The following SYNE1 variants were observed in gnomAD, a reference collection of about 807,000 sequenced individuals.
SYNE1 encodes spectrin repeat containing nuclear envelope protein 1.
SYNE1 carries 616 observed loss-of-function variants against 1,111.0 expected under a neutral mutation model. The observed-to-expected ratio is 0.55, with a 90% confidence interval of 0.52 to 0.59. The LOEUF is 0.59. SYNE1 is among the 20% of genes least tolerant of loss of function. The pLI is 0.00. For missense variants in SYNE1, 10,006 were observed against 10,417.0 expected, an observed-to-expected ratio of 0.96 and a Z score of 1.72; for synonymous variants, 3,855 against 3,825.8, an observed-to-expected ratio of 1.01 and a Z score of -0.28.
chr6:152,224,471 G>T (rs1028229163), intron 117 of SYNE1, 23 bp downstream of exon 117: 5 of 1,608,956 alleles, frequency 3.1e-6, no homozygotes, highest in African/African-American at 1.3e-5. Context: ...GAACGTTAAG[G>T]ATGTGTTAAA....
chr6:152,165,972 C>A (rs1305037527), intron 130 of SYNE1, among the ~76,000 whole-genome samples: 1 of 152,204 alleles, frequency 6.6e-6, no homozygotes, highest in African/African-American at 2.4e-5. Flanking sequence ...TGGAAGAGGC[C>A]TGAAGAATGG....
At chr6:152,378,363 C>T (rs927013831) in intron 56 of SYNE1, among the ~76,000 whole-genome samples, 1 of 152,170 alleles carries the variant, frequency 6.6e-6, no homozygotes, top group Non-Finnish European at 1.5e-5. Flanking sequence ...CTTCATTCCT[C>T]GTCCTGGTAA....
intron 79 of SYNE1, 30 bp from the exon 80 acceptor site, chr6:152,326,132 TA>T (rs1270783022): frequency 2.5e-6 from 4 of 1,614,080 alleles, no homozygotes; most frequent in Non-Finnish European, 3.4e-6. Context: ...AACTGATAAG[TA>T]GCACGAAATC....
intron 11 of SYNE1, among the ~76,000 whole-genome samples, chr6:152,494,833 T>A (rs1442910665): frequency 6.6e-6 from 1 of 152,144 alleles, no homozygotes; most frequent in Non-Finnish European, 1.5e-5. Context: ...ACCCCATTGC[T>A]CAAGGCAACA....
At chr6:152,150,630 G>C (rs2060246430) in intron 135 of SYNE1, among the ~76,000 whole-genome samples, 1 of 152,186 alleles carries the variant, frequency 6.6e-6, no homozygotes, top group Admixed American at 6.5e-5. Flanking sequence ...TATCTTGGGA[G>C]GAAAATTTCA....
At chr6:152,168,277 C>G (rs2064180450) in intron 130 of SYNE1, 5 of 639,282 alleles carry the variant, frequency 7.8e-6, no homozygotes, top group African/African-American at 1.8e-5. Flanking sequence ...AAAGTTTCCC[C>G]TTGTCTGTGT....
chr6:152,280,387 A>C (rs1173349932), intron 97 of SYNE1, among the ~76,000 whole-genome samples: 2 of 152,192 alleles, frequency 1.3e-5, no homozygotes, highest in Non-Finnish European at 2.9e-5. Context: ...GACAGCCTTG[A>C]ATGTAGCCAA....
intron 3 of SYNE1, among the ~76,000 whole-genome samples, chr6:152,550,187 G>T (rs1000990415): frequency 6.6e-6 from 1 of 152,032 alleles, no homozygotes; most frequent in Non-Finnish European, 1.5e-5. Context: ...GAAATTACAC[G>T]ATTTTTCCAA....
intron 11 of SYNE1, among the ~76,000 whole-genome samples, chr6:152,489,457 C>CTT (rs3076635): frequency 0.061 from 6,821 of 112,228 alleles, 553 homozygotes; most frequent in African/African-American, 0.13. Flanking sequence ...CTTGGTGTGT[C>CTT]TTTTTTTTTT....
At chr6:152,431,507 G>A (rs1038668821) in intron 34 of SYNE1, among the ~76,000 whole-genome samples, 1 of 152,194 alleles carries the variant, frequency 6.6e-6, no homozygotes, top group Admixed American at 6.5e-5. Flanking sequence ...GTGTGCATGT[G>A]CACATGTGTT....
At chr6:152,415,767 G>A (rs555414865) in intron 41 of SYNE1, among the ~76,000 whole-genome samples, 2 of 113,956 alleles carry the variant, frequency 1.8e-5, no homozygotes, top group East Asian at 2.9e-4. Flanking sequence ...CAAATTAGTC[G>A]TTAATCTTAT....
intron 3 of SYNE1, among the ~76,000 whole-genome samples, chr6:152,548,107 A>G (rs2099323248): frequency 6.6e-6 from 1 of 152,220 alleles, no homozygotes; most frequent in Non-Finnish European, 1.5e-5. Context: ...CCAGCTTCTA[A>G]GAATCTTTAG....
chr6:152,516,286 T>A (rs1044888574), intron 6 of SYNE1, among the ~76,000 whole-genome samples: 2 of 152,182 alleles, frequency 1.3e-5, no homozygotes, highest in Non-Finnish European at 2.9e-5. Flanking sequence ...AAAGAGAAAT[T>A]CTTTCATTTT....
At chr6:152,479,534 T>C (rs557155839) in intron 14 of SYNE1, among the ~76,000 whole-genome samples, 29 of 152,322 alleles carry the variant, frequency 1.9e-4, no homozygotes, top group African/African-American at 6.7e-4. Flanking sequence ...TCATCAGCTA[T>C]GTGACCTTGG....
intron 73 of SYNE1, among the ~76,000 whole-genome samples, chr6:152,345,159 A>G (rs781607495): frequency 1.3e-5 from 2 of 152,128 alleles, no homozygotes; most frequent in Non-Finnish European, 2.9e-5. Context: ...TGAAGTTCTG[A>G]TTATGTTCTT....
intron 32 of SYNE1, among the ~76,000 whole-genome samples, chr6:152,439,709 C>CA (rs2098510606): frequency 6.6e-6 from 1 of 152,018 alleles, no homozygotes; most frequent in South Asian, 2.1e-4. Context: ...AACAGAAACA[C>CA]AAAGGTTTTC....
In SYNE1 at chr6:152,340,707, G is replaced by A. The variant is rs77944384; in HGVS notation, c.12226-1341C>T. Among the ~76,000 whole-genome samples, 47 of 152,338 alleles carry A rather than the reference G, an allele frequency of 3.1e-4. 1 individual carries two copies. The East Asian group carries it at 5.8e-3, about 19-fold the overall frequency. On this transcript the variant is annotated intron_variant, in intron 74 of 145. Transcript: ENST00000367255. ...TCTATAATCAGCCTGTTCATAAGCC[G>A]TGGTAAGAAAGTTGGAATTTAAGTG...
At chr6:152,399,586 C>G in intron 48 of SYNE1, 30 bp downstream of exon 48, 1 of 1,612,462 alleles carries the variant, frequency 6.2e-7, no homozygotes, top group Non-Finnish European at 8.5e-7. Flanking sequence ...CGGAAACAAA[C>G]TACTCATGCT....
At chr6:152,298,378 G>A (rs932378021) in intron 93 of SYNE1, among the ~76,000 whole-genome samples, 1 of 152,140 alleles carries the variant, frequency 6.6e-6, no homozygotes, top group Non-Finnish European at 1.5e-5. Context: ...GCCTTGGCTT[G>A]CTTCTAAGGG....
Sources: allele counts gnomAD v4.1 joint callset (sites outside exome capture counted in the v4.1 genomes callset), GRCh38; gene constraint gnomAD v4.1.1; transcripts MANE v1.5; gene names NCBI Gene and HGNC (gene_info 2026-07-23, HGNC 2026-07-21).